Variants in LAMA2 observed in about 807,000 individuals in gnomAD.
LAMA2 encodes the protein laminin subunit alpha-2.
LAMA2 carries 269 observed loss-of-function variants against 364.8 expected under a neutral mutation model. The observed-to-expected ratio is 0.74, with a 90% confidence interval of 0.67 to 0.82. LAMA2 has a LOEUF of 0.82. Among genes scored for constraint, LAMA2 ranks in the 40% least tolerant of loss-of-function variants. The pLI is 0.00. For missense variants in LAMA2, 3,807 were observed against 3,873.2 expected (o/e 0.98, Z 0.45); for synonymous variants, 1,379 against 1,370.6 (o/e 1.01, Z -0.14).
At chr6:128,968,035 C>T (rs1164470834) in intron 1 of LAMA2, among the ~76,000 whole-genome samples, 1 of 152,182 alleles carries the variant, frequency 6.6e-6, no homozygotes, top group African/African-American at 2.4e-5. Flanking sequence ...AGACCAATCA[C>T]TAGATTCCTT....
rs1300852530 is a variant in LAMA2 at position 129,402,304 on chromosome 6, C to T, written c.5563-20C>T. 6.2e-7 allele frequency: 1 copy of T among 1,605,366 alleles called. No homozygotes were observed. The highest frequency in any genetic ancestry group is 2.2e-5 in the East Asian group (1 of 44,768). ...GGCTTGAATTCACTTGCTTAAAATG[C>T]CCTCTTCTCTACATATCAGTATGTT... On this transcript the variant is annotated intron_variant, in intron 38 of 64. Transcript: ENST00000421865.
intron 28 of LAMA2, among the ~76,000 whole-genome samples, chr6:129,322,664 T>C (rs989248330): frequency 2.0e-5 from 3 of 152,212 alleles, no homozygotes; most frequent in African/African-American, 7.2e-5. Context: ...GACCTTTAGA[T>C]ATCTTGAAGA....
intron 18 of LAMA2, among the ~76,000 whole-genome samples, chr6:129,286,572 T>A (rs1404326967): frequency 7.2e-4 from 1 of 1,382 alleles, no homozygotes; most frequent in Non-Finnish European, 1.9e-3. Flanking sequence ...TATATTATAT[T>A]ATATTTATAT....
At position 129,078,115 on chromosome 6, in the gene LAMA2, G is replaced by A. The variant is rs538600277; in HGVS notation, c.396+18219G>A. Among the ~76,000 whole-genome samples the A allele has an allele frequency of 3.2e-4, 46 of 143,414 alleles. No individual in the cohort carries two copies. In the South Asian group the frequency reaches 9.1e-3, roughly 28 times the overall value. 94.1% of individuals were successfully genotyped at this position (143,414 alleles called of 152,430 possible). ...TTATATGTTTATGGGGGCAGTGAGC[G>A]TATGGGAAATCTCTGTATTTTTTTT... On this transcript the variant is annotated intron_variant, in intron 3 of 64. Coordinates refer to ENST00000421865, the MANE Select transcript of LAMA2 (RefSeq NM_000426.4).
At chr6:129,232,154 G>A (rs1290792096) in intron 12 of LAMA2, among the ~76,000 whole-genome samples, 1 of 152,066 alleles carries the variant, frequency 6.6e-6, no homozygotes, top group Non-Finnish European at 1.5e-5. Context: ...TACAGCATAT[G>A]TACAATATGG....
At chr6:129,381,804 A>AT (rs1554284533) in intron 34 of LAMA2, among the ~76,000 whole-genome samples, 3 of 151,962 alleles carry the variant, frequency 2.0e-5, no homozygotes, top group Non-Finnish European at 4.4e-5. Flanking sequence ...ACAGAAAAAA[A>AT]TTTTAATTTT....
At chr6:128,963,637 T>G (rs1167063920) in intron 1 of LAMA2, among the ~76,000 whole-genome samples, 1 of 152,130 alleles carries the variant, frequency 6.6e-6, no homozygotes, top group Non-Finnish European at 1.5e-5. Context: ...CTTGTCTGTT[T>G]AAATTATTAG....
At chr6:129,416,548 A>T (rs1440722133) in intron 40 of LAMA2, among the ~76,000 whole-genome samples, 1 of 152,038 alleles carries the variant, frequency 6.6e-6, no homozygotes, top group East Asian at 1.9e-4. Context: ...CATCGCCCAG[A>T]GCCAGACCCT....
chr6:129,141,092 T>C (rs1470902795), intron 4 of LAMA2, among the ~76,000 whole-genome samples: 1 of 152,044 alleles, frequency 6.6e-6, no homozygotes, highest in Non-Finnish European at 1.5e-5. Context: ...ATCCTAGACA[T>C]GTAGCGATTT....
At chr6:129,106,875 A>AAT (rs1554219037) in intron 4 of LAMA2, among the ~76,000 whole-genome samples, 258 of 142,640 alleles carry the variant, frequency 1.8e-3, no homozygotes, top group Admixed American at 2.5e-3. Flanking sequence ...AAAAAAAAAA[A>AAT]ATATATATAT....
At chr6:128,981,929 A>G (rs1010735874) in intron 1 of LAMA2, among the ~76,000 whole-genome samples, 11 of 151,904 alleles carry the variant, frequency 7.2e-5, no homozygotes, top group Admixed American at 5.9e-4. Context: ...TCTAGTTCCT[A>G]CTCAGTTAGG....
At chr6:129,104,833 A>T (rs186012429) in intron 4 of LAMA2, among the ~76,000 whole-genome samples, 2 of 152,280 alleles carry the variant, frequency 1.3e-5, no homozygotes, top group African/African-American at 4.8e-5. Flanking sequence ...GGGTTCAACT[A>T]CTACCAAGAA....
At chr6:129,383,915 A>G (rs1439352140) in intron 35 of LAMA2, among the ~76,000 whole-genome samples, 5 of 152,248 alleles carry the variant, frequency 3.3e-5, no homozygotes, top group Non-Finnish European at 5.9e-5. Flanking sequence ...AGAAATTGGG[A>G]AAAATGCTTT....
At chr6:129,466,429 G>A (rs1021408836) in intron 51 of LAMA2, among the ~76,000 whole-genome samples, 2 of 151,892 alleles carry the variant, frequency 1.3e-5, no homozygotes, top group Non-Finnish European at 2.9e-5. Context: ...AAAGCCTGGA[G>A]TCATCAGAGA....
At chr6:128,942,656 A>C (rs970800127) in intron 1 of LAMA2, among the ~76,000 whole-genome samples, 7 of 152,230 alleles carry the variant, frequency 4.6e-5, no homozygotes, top group Admixed American at 1.3e-4. Flanking sequence ...AGAATAAAAA[A>C]AAAAGTTTAG....
At chr6:129,437,701 T>A (rs1250955534) in intron 41 of LAMA2, among the ~76,000 whole-genome samples, 1 of 152,058 alleles carries the variant, frequency 6.6e-6, no homozygotes, top group Non-Finnish European at 1.5e-5. Context: ...TTTTTTCAAT[T>A]TGAATTTTCA....
rs557580897 is a variant in LAMA2 at position 128,967,216 on chromosome 6, A to G, written c.113-82702A>G. On this transcript the variant is annotated intron_variant, in intron 1 of 64. Coordinates refer to ENST00000421865, the MANE Select transcript of LAMA2 (RefSeq NM_000426.4). ...CCCAGCAGGGTTTGTTCAACTGCTA[A>G]TGGTCAAGGTAGATTCAAGCCCTCT... is the stretch of plus-strand genomic sequence containing the variant. Among the ~76,000 whole-genome samples, 7 of 152,292 alleles carry G rather than the reference A, an allele frequency of 4.6e-5. No homozygotes were observed. The South Asian group carries it at 1.4e-3, about 32-fold the overall frequency.
chr6:129,016,376 A>G (rs1785074545), intron 1 of LAMA2, among the ~76,000 whole-genome samples: 1 of 152,072 alleles, frequency 6.6e-6, no homozygotes. Context: ...ACAAAGACAT[A>G]TTCAAGAATG....
chr6:129,450,807 A>G (rs1782637608), intron 45 of LAMA2, among the ~76,000 whole-genome samples: 2 of 152,196 alleles, frequency 1.3e-5, no homozygotes, highest in Non-Finnish European at 1.5e-5. Flanking sequence ...GCACTATGCT[A>G]TTCAGTTCTA....
Sources: gnomAD v4.1 joint callset for allele counts (sites outside exome capture counted in the v4.1 genomes callset) on GRCh38, gnomAD v4.1.1 for gene constraint, MANE v1.5 for transcripts, NCBI Gene and HGNC (gene_info 2026-07-23, HGNC 2026-07-21) for gene names.